The following SPDYE4 variants were observed in gnomAD, a reference collection of about 807,000 sequenced individuals.
SPDYE4 encodes speedy/RINGO cell cycle regulator family member E4.
A neutral mutation model predicts 37.5 loss-of-function variants in SPDYE4; 30 were observed. The observed-to-expected ratio is 0.80, with a 90% CI of 0.60 to 1.09. SPDYE4 has a LOEUF of 1.09. Among genes scored for constraint, SPDYE4 ranks in the 50% least tolerant of loss-of-function variants. SPDYE4 has a pLI of 0.00. For missense variants in SPDYE4, 300 were observed against 307.9 expected (o/e 0.97, Z 0.19); for synonymous variants, 131 against 120.3 (o/e 1.09, Z -0.58).
downstream of SPDYE4, among the ~76,000 whole-genome samples, chr17:8,750,490 C>T (rs181300105): frequency 5.1e-4 from 78 of 152,314 alleles, no homozygotes; most frequent in Admixed American, 1.2e-3. Context: ...GCGGATGGCT[C>T]ACGAGGTCGG....
downstream of SPDYE4, among the ~76,000 whole-genome samples, chr17:8,747,744 G>A (rs1213502836): frequency 2.6e-5 from 4 of 152,158 alleles, no homozygotes; most frequent in African/African-American, 9.7e-5. Context: ...AACCCAAAGC[G>A]TAGAGAGTCT....
rs754617529 is a variant in SPDYE4 at position 8,753,477 on chromosome 17, A to G, written c.498T>C (p.Ser166=). The change falls in exon 5 of 7, where the codon AGT becomes AGC. Residue 166 remains serine (S), a synonymous_variant. Transcript: ENST00000689094. ...IHFFLALYLA[S]DMEEDNQAPK... ...GGGCCTGGTTGTCCTCCTCCATGTC[A>G]CTGGCCAGGTAGCTGGGGAGAGAGA... 3 of 1,613,498 alleles carry G rather than the reference A, an allele frequency of 1.9e-6. No homozygotes were observed.
intron 3 of SPDYE4, among the ~76,000 whole-genome samples, 164 bp from the exon 4 acceptor site, chr17:8,755,769 CA>C (rs1253098703): frequency 2.6e-5 from 4 of 152,062 alleles, no homozygotes; most frequent in Non-Finnish European, 5.9e-5. Context: ...GGAGAGTGTT[CA>C]AAGTCAGCTG....
chr17:8,757,284 G>C lies in SPDYE4; in HGVS notation c.318C>G (p.His106Gln). ...KRASSVLPEH[H>Q]EAFNRLLGDP... is the part of the protein sequence containing the mutation. ...TACCAAGGAGCCTGTTGAAGGCCTC[G>C]TGGTGCTCAGGGAGCACGGAGGATG... Residue 106 changes from histidine to glutamine, a missense_variant, in exon 2 of 7, where the codon CAC (histidine) becomes CAG (glutamine). Transcript: ENST00000689094. 6.2e-7 allele frequency: 1 copy of C among 1,605,858 alleles called. No homozygotes were observed. Among genetic ancestry groups the C allele is most frequent in the Non-Finnish European group, 8.5e-7 (1 of 1,175,998 alleles).
At chr17:8,754,045 G>A (rs1351165228) in intron 4 of SPDYE4, among the ~76,000 whole-genome samples, 1 of 152,060 alleles carries the variant, frequency 6.6e-6, no homozygotes, top group African/African-American at 2.4e-5. Flanking sequence ...GCCACTAGAG[G>A]GCTTTGTTTA....
rs1490551990 is a variant in SPDYE4, at chr17:8,751,296, TA to T, written c.*985del. Among the ~76,000 whole-genome samples, 2 of 152,162 alleles carry T rather than the reference TA, an allele frequency of 1.3e-5. No individual in the cohort carries two copies. The highest frequency in any genetic ancestry group is 2.9e-5 in the Non-Finnish European group (2 of 68,030). On this transcript the variant is annotated 3_prime_UTR_variant, in exon 7 of 7. Coordinates refer to ENST00000689094, the MANE Select transcript of SPDYE4 (RefSeq NM_001394956.1). The stretch of plus-strand genomic sequence containing the variant: ...ACAACTTCATAAGAACAGTGTCTTT[TA>T]AAAAATACTTGTATTTCTAAACTAG...
At position 8,750,962 on chromosome 17, in the gene SPDYE4, AG is replaced by A. The variant is rs2086724370; in HGVS notation, c.*1319del. 6.6e-6 allele frequency among the ~76,000 whole-genome samples: 1 copy of A among 152,242 alleles called. No homozygotes were observed. The highest frequency in any genetic ancestry group is 1.5e-5 in the Non-Finnish European group (1 of 68,040). Reference sequence around the variant, plus strand: ...CCTTTCAAACACATGTCCTCTTTAAAGTAACATACAAACCTTTCAATACAAG... The same window carrying A: ...CCTTTCAAACACATGTCCTCTTTAAATAACATACAAACCTTTCAATACAAG... On this transcript the variant is annotated 3_prime_UTR_variant, in exon 7 of 7. Coordinates refer to ENST00000689094, the MANE Select transcript of SPDYE4 (RefSeq NM_001394956.1).
Position 8,753,312 on chromosome 17 carries a change from C to T in SPDYE4, c.654+9G>A, listed in dbSNP as rs746447428. 2.0e-6 allele frequency: 3 copies of T among 1,485,686 alleles called. No individual in the cohort carries two copies. Among genetic ancestry groups the T allele is most frequent in the Non-Finnish European group, 2.7e-6 (3 of 1,091,722 alleles). The allele number at this position is 1,485,686 out of a possible 1,614,324, so 92.0% of individuals were successfully genotyped here. A position where few individuals can be genotyped will look rare whatever the true frequency, so the allele number is the denominator to read the frequency against. On this transcript the variant is annotated intron_variant, in intron 5 of 6. Coordinates refer to ENST00000689094, the MANE Select transcript of SPDYE4 (RefSeq NM_001394956.1). ...CCCCACCCCCACCTCCTCATATGGC[C>T]CCACCTACCTCCTCCATCTCCTCTG...
At chr17:8,755,396 CG>C in intron 4 of SPDYE4, 123 bp downstream of exon 4, 1 of 1,201,974 alleles carries the variant, frequency 8.3e-7, no homozygotes, top group South Asian at 1.5e-5. Context: ...ATAATCTTAT[CG>C]TTTTTATATA....
chr17:8,754,950 G>A (rs1181730517), intron 4 of SPDYE4, among the ~76,000 whole-genome samples: 1 of 152,176 alleles, frequency 6.6e-6, no homozygotes, highest in Non-Finnish European at 1.5e-5. Context: ...GGTTGAATTA[G>A]CCCTGTGGAC....
At chr17:8,753,282 T>TGCC in intron 5 of SPDYE4, 39 bp downstream of exon 5, 1 of 526,870 alleles carries the variant, frequency 1.9e-6, no homozygotes, top group Non-Finnish European at 2.9e-6. Flanking sequence ...GTCCACCCCA[T>TGCC]CCCTCCCCAC....
At chr17:8,748,243 AC>A (rs970027218), downstream of SPDYE4, among the ~76,000 whole-genome samples, 2 of 152,228 alleles carry the variant, frequency 1.3e-5, no homozygotes, top group Admixed American at 6.5e-5. Context: ...TAAGGGTGGT[AC>A]CCTCATGATA....
intron 1 of SPDYE4, 60 bp from the exon 2 acceptor site, chr17:8,757,552 C>A: frequency 6.5e-7 from 1 of 1,534,570 alleles, no homozygotes; most frequent in Non-Finnish European, 8.8e-7. Context: ...TTAGACGCCC[C>A]GACCCAGGAA....
Position 8,753,183 on chromosome 17 carries a change from G to C in SPDYE4, c.669C>G (p.Asp223Glu). ...PEEMEEIQAY[D>E]PEHWVWARDR... Reference sequence around the variant, plus strand: ...CTCGGGCCCACACCCAGTGCTCTGGGTCATAAGCCTGGATCTGGAAAAACA... The same window carrying C: ...CTCGGGCCCACACCCAGTGCTCTGGCTCATAAGCCTGGATCTGGAAAAACA... The change falls in exon 6 of 7, where the codon GAC becomes GAG. Residue 223 changes from aspartate to glutamate, a missense_variant. Transcript: ENST00000689094. The C allele has an allele frequency of 6.2e-7, 1 of 1,613,994 alleles. No individual in the cohort carries two copies. The highest frequency in any genetic ancestry group is 8.5e-7 in the Non-Finnish European group (1 of 1,180,000).
Position 8,753,639 on chromosome 17 carries a change from C to T in SPDYE4, c.486-150G>A, listed in dbSNP as rs956347099. On this transcript the variant is annotated intron_variant, in intron 4 of 6. Coordinates refer to ENST00000689094, the MANE Select transcript of SPDYE4 (RefSeq NM_001394956.1). The stretch of plus-strand genomic sequence containing the variant: ...GAGCCCTGCCTTCCTCAGGAGGCCC[C>T]GCTGGACAGAGACCTGCTAAGGGTG... The T allele has an allele frequency of 2.6e-5, 23 of 898,464 alleles. No homozygotes were observed. In the Admixed American group the frequency reaches 3.5e-4, roughly 14 times the overall value. The allele number at this position is 898,464 out of a possible 1,614,324, so 55.7% of individuals were successfully genotyped here. A position where few individuals can be genotyped will look rare whatever the true frequency, so the allele number is the denominator to read the frequency against.
intron 4 of SPDYE4, among the ~76,000 whole-genome samples, chr17:8,754,096 C>G (rs2086752706): frequency 6.6e-6 from 1 of 152,164 alleles, no homozygotes; most frequent in Admixed American, 6.5e-5. Flanking sequence ...GTGAACTCTC[C>G]CTTCCCATCC....
chr17:8,750,707 C>T (rs1026386605), downstream of SPDYE4, among the ~76,000 whole-genome samples: 3 of 139,488 alleles, frequency 2.2e-5, no homozygotes, highest in African/African-American at 5.3e-5. Flanking sequence ...AAGACTCCAT[C>T]TCAAAAACAA....
At chr17:8,750,465 C>T (rs2086720332), downstream of SPDYE4, among the ~76,000 whole-genome samples, 1 of 152,156 alleles carries the variant, frequency 6.6e-6, no homozygotes, top group Non-Finnish European at 1.5e-5. Context: ...AATCCCAGCA[C>T]TTTGGGAGGC....
chr17:8,757,301 C>G lies in SPDYE4; in HGVS notation c.301G>C (p.Val101Leu), dbSNP rs747866597. The change falls in exon 2 of 7, where the codon GTG becomes CTG. Residue 101 changes from valine to leucine, a missense_variant. Physicochemically the swap from Val to Leu is conservative, Grantham distance 32. Coordinates refer to ENST00000689094, the MANE Select transcript of SPDYE4 (RefSeq NM_001394956.1). ...AAGGCCTCGTGGTGCTCAGGGAGCA[C>G]GGAGGATGCTCGCTTTCGCTTCAGC... ...MKLKRKRASS[V>L]LPEHHEAFNR... 4.4e-6 allele frequency: 7 copies of G among 1,605,148 alleles called. No individual in the cohort carries two copies. The highest frequency in any genetic ancestry group is 2.7e-5 in the African/African-American group (2 of 74,742).
Sources: gnomAD v4.1 joint callset for allele counts (sites outside exome capture counted in the v4.1 genomes callset) on GRCh38, gnomAD v4.1.1 for gene constraint, MANE v1.5 for transcripts, NCBI Gene and HGNC (gene_info 2026-07-23, HGNC 2026-07-21) for gene names.